ARHGAP15: variants seen among roughly 807,000 people sequenced by gnomAD.
ARHGAP15 encodes rho GTPase-activating protein 15.
ARHGAP15 carries 51 observed loss-of-function variants against 63.7 expected under a neutral mutation model. The ratio of observed to expected loss-of-function variants is 0.80; its 90% CI spans 0.64 to 1.01. The LOEUF (loss-of-function observed/expected upper bound fraction) is 1.01. Ranked by LOEUF, ARHGAP15 falls within the 50% of genes least tolerant of loss-of-function variation. The pLI, the probability that ARHGAP15 is intolerant of heterozygous loss-of-function variation, is 0.00. For synonymous variants in ARHGAP15, 191 were observed against 193.8 expected, an observed-to-expected ratio of 0.99 and a Z score of 0.12; for missense variants, 560 against 564.6, an observed-to-expected ratio of 0.99 and a Z score of 0.08.
At chr2:143,684,927 C>T (rs1422205941) in intron 12 of ARHGAP15, among the ~76,000 whole-genome samples, 4 of 152,096 alleles carry the variant, frequency 2.6e-5, no homozygotes, top group Admixed American at 6.5e-5. Context: ...TAAGCTGCAA[C>T]GGCAGAATAA....
At chr2:143,132,075 A>G (rs1688936542) in intron 1 of ARHGAP15, among the ~76,000 whole-genome samples, 1 of 152,196 alleles carries the variant, frequency 6.6e-6, no homozygotes. Flanking sequence ...TAACATAATT[A>G]GTTTTTAATA....
intron 2 of ARHGAP15, among the ~76,000 whole-genome samples, chr2:143,176,325 A>G (rs1691008537): frequency 6.6e-6 from 1 of 152,212 alleles, no homozygotes; most frequent in Admixed American, 6.5e-5. Flanking sequence ...ACAATTGAGA[A>G]AAGTATTTAA....
chr2:143,403,710 G>A (rs1481271382), intron 6 of ARHGAP15, among the ~76,000 whole-genome samples: 1 of 151,820 alleles, frequency 6.6e-6, no homozygotes, highest in African/African-American at 2.4e-5. Context: ...AGGGAAGAGT[G>A]CATGTGTATA....
intron 11 of ARHGAP15, among the ~76,000 whole-genome samples, chr2:143,562,580 T>C (rs1696078136): frequency 6.6e-6 from 1 of 152,218 alleles, no homozygotes; most frequent in Non-Finnish European, 1.5e-5. Flanking sequence ...TGCACCTTTT[T>C]GGCTTTCATG....
intron 3 of ARHGAP15, among the ~76,000 whole-genome samples, chr2:143,207,015 TTATAA>T (rs1390317863): frequency 1.3e-5 from 2 of 151,378 alleles, no homozygotes; most frequent in African/African-American, 4.8e-5. Context: ...ACATAAAAAA[TTATAA>T]TATATATAAA....
chr2:143,296,435 A>G (rs550031309), intron 6 of ARHGAP15, among the ~76,000 whole-genome samples: 1 of 152,168 alleles, frequency 6.6e-6, no homozygotes, highest in African/African-American at 2.4e-5. Flanking sequence ...ATTTAGAAGT[A>G]GTTTTTCAAT....
intron 5 of ARHGAP15, 27 bp downstream of exon 5, chr2:143,228,695 A>C (rs755953626): frequency 6.9e-7 from 1 of 1,453,812 alleles, no homozygotes; most frequent in South Asian, 1.4e-5. Flanking sequence ...TTCTATTGTT[A>C]AATATCTTTT....
At chr2:143,484,365 CA>C (rs377516856) in intron 8 of ARHGAP15, among the ~76,000 whole-genome samples, 1,931 of 125,396 alleles carry the variant, frequency 0.015, 43 homozygotes, top group African/African-American at 0.055. Flanking sequence ...GACTCCATCT[CA>C]AAAAAAAAAA....
At chr2:143,292,082 T>C (rs1682429177) in intron 6 of ARHGAP15, among the ~76,000 whole-genome samples, 1 of 148,334 alleles carries the variant, frequency 6.7e-6, no homozygotes, top group Non-Finnish European at 1.5e-5. Flanking sequence ...TTAATATTAA[T>C]AACAATGAGT....
intron 1 of ARHGAP15, among the ~76,000 whole-genome samples, chr2:143,152,286 A>G (rs1689857913): frequency 6.6e-6 from 1 of 152,002 alleles, no homozygotes. Context: ...ATATGTCAAT[A>G]CCTACCTTAT....
chr2:143,706,072 T>A (rs554526311), intron 13 of ARHGAP15, among the ~76,000 whole-genome samples: 1 of 152,314 alleles, frequency 6.6e-6, no homozygotes, highest in Admixed American at 6.5e-5. Context: ...AGAAGTGTTG[T>A]TTGCTAGCCA....
chr2:143,286,146 C>G (rs1292023729), intron 6 of ARHGAP15, among the ~76,000 whole-genome samples: 1 of 152,160 alleles, frequency 6.6e-6, no homozygotes, highest in Non-Finnish European at 1.5e-5. Context: ...TGCAATACAA[C>G]ATTTAACCTG....
intron 11 of ARHGAP15, among the ~76,000 whole-genome samples, chr2:143,561,525 T>C (rs865953583): frequency 0.024 from 3,598 of 151,772 alleles, 66 homozygotes; most frequent in Non-Finnish European, 0.035. Flanking sequence ...CTTTTTTTTT[T>C]TTTTGAGACG....
intron 6 of ARHGAP15, among the ~76,000 whole-genome samples, chr2:143,415,072 G>A (rs1688616309): frequency 1.3e-5 from 2 of 152,182 alleles, no homozygotes; most frequent in Admixed American, 6.5e-5. Context: ...TACAATATTA[G>A]TAACCAAATC....
At chr2:143,736,483 A>G (rs1464827546) in intron 13 of ARHGAP15, among the ~76,000 whole-genome samples, 3 of 152,280 alleles carry the variant, frequency 2.0e-5, no homozygotes, top group Admixed American at 2.0e-4. Flanking sequence ...TTGGAATTAA[A>G]TAGAGTAGGG....
intron 2 of ARHGAP15, among the ~76,000 whole-genome samples, chr2:143,197,538 C>T (rs7355637): frequency 1.3e-5 from 2 of 151,794 alleles, no homozygotes; most frequent in Non-Finnish European, 2.9e-5. Context: ...TAAAAACAAC[C>T]TGAAATATTC....
chr2:143,521,440 A>G (rs1383647312), intron 10 of ARHGAP15, among the ~76,000 whole-genome samples: 1 of 152,200 alleles, frequency 6.6e-6, no homozygotes, highest in African/African-American at 2.4e-5. Flanking sequence ...AAATTCTGGC[A>G]TAAAGCATTT....
At chr2:143,528,275 A>G (rs1477856692) in intron 10 of ARHGAP15, among the ~76,000 whole-genome samples, 1 of 152,056 alleles carries the variant, frequency 6.6e-6, no homozygotes, top group East Asian at 1.9e-4. Flanking sequence ...CCATAACCAC[A>G]CAGCAAGTTA....
rs1260844237 is a variant in ARHGAP15, at chr2:143,539,656, G to T, written c.926-16752G>T. Among the ~76,000 whole-genome samples the T allele has an allele frequency of 4.6e-5, 7 of 152,252 alleles. No individual in the cohort carries two copies. In the East Asian group the frequency reaches 1.3e-3, roughly 29 times the overall value. The stretch of plus-strand genomic sequence containing the variant: ...TTAGGTACCCAGTAGTCATTCAGGA[G>T]CAGGTTGTTCAGTTTCCATGTAGTT... On this transcript the variant is annotated intron_variant, in intron 10 of 13. Coordinates refer to ENST00000295095, the MANE Select transcript of ARHGAP15 (RefSeq NM_018460.4).
Sources: allele counts gnomAD v4.1 joint callset (sites outside exome capture counted in the v4.1 genomes callset), GRCh38; gene constraint gnomAD v4.1.1; transcripts MANE v1.5; gene names NCBI Gene and HGNC (gene_info 2026-07-23, HGNC 2026-07-21).